The following SGCD variants were observed in gnomAD, a reference collection of about 807,000 sequenced individuals.
The protein encoded by SGCD is sarcoglycan delta.
Under a neutral mutation model 36.6 loss-of-function variants are expected in SGCD, and 18 were observed. The ratio of observed to expected loss-of-function variants is 0.49; its 90% CI spans 0.34 to 0.73. The LOEUF (loss-of-function observed/expected upper bound fraction) is 0.73. SGCD is among the 30% of genes least tolerant of loss of function. SGCD has a pLI of 0.01. For synonymous variants in SGCD, 133 were observed against 130.6 expected, an observed-to-expected ratio of 1.02 and a Z score of -0.12; for missense variants, 387 against 346.7, an observed-to-expected ratio of 1.12 and a Z score of -0.92.
the SGCD span, among the ~76,000 whole-genome samples, chr5:155,799,393 T>G: frequency 1.4e-5 from 2 of 146,796 alleles, no homozygotes; most frequent in Non-Finnish European, 3.0e-5. Flanking sequence ...GGACAATGAC[T>G]TTATTTTTTT....
chr5:155,783,192 G>A, the SGCD span, among the ~76,000 whole-genome samples: 1 of 152,178 alleles, frequency 6.6e-6, no homozygotes, highest in African/African-American at 2.4e-5. Flanking sequence ...ATGTACAGAA[G>A]AGAATTCTAT....
intron 4 of SGCD, among the ~76,000 whole-genome samples, chr5:156,572,016 T>C (rs763639643): frequency 6.6e-6 from 1 of 152,236 alleles, no homozygotes; most frequent in Non-Finnish European, 1.5e-5. Flanking sequence ...GTGGCTTTTG[T>C]GTATAGTTCC....
At chr5:156,120,136 T>A (rs944248382) in intron 2 of SGCD, among the ~76,000 whole-genome samples, 1 of 152,224 alleles carries the variant, frequency 6.6e-6, no homozygotes, top group Non-Finnish European at 1.5e-5. Context: ...AGCTGTGCCC[T>A]CTGGACCTAG....
chr5:156,733,692 GGAGAGTTAGCTCT>G (rs1420382694), intron 7 of SGCD, among the ~76,000 whole-genome samples: 1 of 152,074 alleles, frequency 6.6e-6, no homozygotes, highest in Non-Finnish European at 1.5e-5. Context: ...TATTTATTTA[GGAGAGTTAGCTCT>G]TCTTGTTAAG....
chr5:156,728,512 A>G (rs1755894722), intron 7 of SGCD, among the ~76,000 whole-genome samples: 1 of 145,220 alleles, frequency 6.9e-6, no homozygotes, highest in African/African-American at 2.7e-5. Flanking sequence ...CTCTGTCAAA[A>G]AAAAAAAAAA....
At chr5:156,423,429 A>ATATAATATATTATATTATAATAT (rs1561686121) in intron 3 of SGCD, among the ~76,000 whole-genome samples, 2 of 92,348 alleles carry the variant, frequency 2.2e-5, no homozygotes, top group African/African-American at 8.6e-5. Flanking sequence ...TATTTTAATA[A>ATATAATATATTATATTATAATAT]AATATAATAT....
intron 1 of SGCD, among the ~76,000 whole-genome samples, chr5:155,933,497 GA>G (rs1294036019): frequency 6.6e-6 from 1 of 152,150 alleles, no homozygotes; most frequent in African/African-American, 2.4e-5. Context: ...ACAGCTTTTA[GA>G]ACAGAGCCTG....
chr5:156,197,772 C>T (rs1437612383), intron 3 of SGCD, among the ~76,000 whole-genome samples: 2 of 151,792 alleles, frequency 1.3e-5, no homozygotes, highest in Non-Finnish European at 2.9e-5. Context: ...TTATTTTGTC[C>T]TATTTATTAC....
Position 156,757,693 on chromosome 5 carries a change from A to G in SGCD, c.688A>G (p.Lys230Glu). The G allele has an allele frequency of 6.2e-7, 1 of 1,605,102 alleles. No individual in the cohort carries two copies. Among genetic ancestry groups the G allele is most frequent in the South Asian group, 1.1e-5 (1 of 88,978 alleles). Residue 230 changes from lysine to glutamate, a missense_variant, in exon 8 of 9, where the codon AAA becomes GAA. Transcript: ENST00000337851. ...TCRTELRLES[K>E]DGEIKLDAAK... is the part of the protein sequence containing the mutation. The stretch of plus-strand genomic sequence containing the variant: ...CAGGACAGAGCTGAGACTGGAATCC[A>G]AAGATGGAGAGGTGAGGGATGAGAA...
At chr5:156,256,666 T>G (rs868522597) in intron 3 of SGCD, among the ~76,000 whole-genome samples, 1 of 152,208 alleles carries the variant, frequency 6.6e-6, no homozygotes, top group Non-Finnish European at 1.5e-5. Flanking sequence ...TTTTAATTTA[T>G]TTGTGTAAAC....
chr5:155,938,928 T>G (rs1757269903), intron 1 of SGCD, among the ~76,000 whole-genome samples: 1 of 152,228 alleles, frequency 6.6e-6, no homozygotes, highest in Non-Finnish European at 1.5e-5. Flanking sequence ...GTATTTTCTT[T>G]CCTTTATCAT....
At chr5:155,970,472 G>A (rs901967142) in intron 1 of SGCD, among the ~76,000 whole-genome samples, 2 of 152,126 alleles carry the variant, frequency 1.3e-5, no homozygotes, top group African/African-American at 4.8e-5. Flanking sequence ...AGTAAACACA[G>A]CAAATTATCT....
intron 2 of SGCD, among the ~76,000 whole-genome samples, chr5:156,119,992 A>G (rs187647534): frequency 3.3e-5 from 5 of 152,306 alleles, no homozygotes; most frequent in Admixed American, 6.5e-5. Flanking sequence ...TGGTGATTTA[A>G]GACATATGTT....
chr5:156,305,208 G>T (rs1324257370), intron 3 of SGCD, among the ~76,000 whole-genome samples: 4 of 152,258 alleles, frequency 2.6e-5, no homozygotes, highest in African/African-American at 9.6e-5. Flanking sequence ...GGTCTTCAAG[G>T]CATTCCCTCC....
intron 3 of SGCD, among the ~76,000 whole-genome samples, chr5:156,126,177 G>A (rs1157541056): frequency 6.6e-6 from 1 of 151,998 alleles, no homozygotes; most frequent in Non-Finnish European, 1.5e-5. Context: ...CACCATGCCC[G>A]GCCTTTCCAC....
At chr5:155,764,962 A>G in the SGCD span, among the ~76,000 whole-genome samples, 1 of 152,132 alleles carries the variant, frequency 6.6e-6, no homozygotes, top group Non-Finnish European at 1.5e-5. Flanking sequence ...ATAAAAATAA[A>G]CTCTAATAAA....
rs142380859 is a variant in SGCD at position 156,221,283 on chromosome 5, A to G, written c.-44+97264A>G. ...AGAAGGTGAGACGGTACAATTCTTG[A>G]AGTTTATTTAAAATGATAATAGTCA... On this transcript the variant is annotated intron_variant, in intron 3 of 9. Transcript: ENST00000517913. Among the ~76,000 whole-genome samples, 112 of 152,220 alleles carry G rather than the reference A, an allele frequency of 7.4e-4. 1 individual carries two copies. Among genetic ancestry groups the G allele is most frequent in the African/African-American group, 2.6e-3 (109 of 41,562 alleles).
intron 3 of SGCD, among the ~76,000 whole-genome samples, chr5:156,432,366 G>T (rs763338523): frequency 6.6e-6 from 1 of 152,206 alleles, no homozygotes; most frequent in Non-Finnish European, 1.5e-5. Context: ...TTTGTCATGG[G>T]TTGCTGTAAA....
chr5:156,466,064 C>A (rs1030886169), intron 3 of SGCD, among the ~76,000 whole-genome samples: 10 of 152,226 alleles, frequency 6.6e-5, no homozygotes, highest in African/African-American at 2.2e-4. Flanking sequence ...GCCTCCCAAG[C>A]TTTCTCTGCA....
Sources: gnomAD v4.1 joint callset for allele counts (sites outside exome capture counted in the v4.1 genomes callset) on GRCh38, gnomAD v4.1.1 for gene constraint, MANE v1.5 for transcripts, NCBI Gene and HGNC (gene_info 2026-07-23, HGNC 2026-07-21) for gene names.